The following DTNA variants were observed in gnomAD, a reference collection of about 807,000 sequenced individuals.
The protein encoded by DTNA is dystrophin-related protein 3.
A neutral mutation model predicts 100.7 loss-of-function variants in DTNA; 43 were observed. The ratio of observed to expected loss-of-function variants is 0.43; its 90% confidence interval spans 0.33 to 0.55. The LOEUF (loss-of-function observed/expected upper bound fraction) is 0.55, where lower values mean the gene tolerates loss of function less well. DTNA is among the 20% of genes least tolerant of loss of function. DTNA has a pLI of 0.04. For missense variants in DTNA, 798 were observed against 953.9 expected (o/e 0.84, Z 2.15); for synonymous variants, 349 against 347.9 (o/e 1.00, Z -0.04).
intron 1 of DTNA, chr18:34,504,196 CTAAG>C (rs973165287): frequency 6.6e-6 from 1 of 151,848 alleles, no homozygotes; most frequent in Non-Finnish European, 1.5e-5. Flanking sequence ...AATCATCACT[CTAAG>C]TATTACATCA....
At chr18:34,505,105 C>T (rs2040354997) in intron 1 of DTNA, among the ~76,000 whole-genome samples, 1 of 152,220 alleles carries the variant, frequency 6.6e-6, no homozygotes, top group African/African-American at 2.4e-5. Flanking sequence ...ATCAGTTTCA[C>T]AGGGCTAACG....
chr18:34,677,347 T>C (rs1417788518), intron 1 of DTNA, among the ~76,000 whole-genome samples: 1 of 152,022 alleles, frequency 6.6e-6, no homozygotes, highest in Non-Finnish European at 1.5e-5. Flanking sequence ...GAGTAACCCA[T>C]TGGATCTGGA....
At chr18:34,843,185 T>C (rs2149790214) in intron 13 of DTNA, among the ~76,000 whole-genome samples, 1 of 152,280 alleles carries the variant, frequency 6.6e-6, no homozygotes, top group East Asian at 1.9e-4. Context: ...GCACTTAAAT[T>C]GAACATTTAG....
At chr18:34,631,331 T>C (rs1242767976) in intron 1 of DTNA, among the ~76,000 whole-genome samples, 1 of 152,208 alleles carries the variant, frequency 6.6e-6, no homozygotes, top group Non-Finnish European at 1.5e-5. Flanking sequence ...AATGTCTGAC[T>C]CATAGAAAGC....
intron 1 of DTNA, among the ~76,000 whole-genome samples, chr18:34,609,002 G>A (rs189756587): frequency 3.9e-4 from 60 of 152,220 alleles, no homozygotes; most frequent in African/African-American, 1.4e-3. Context: ...CTTGATTACT[G>A]CTCAAGTTTA....
At chr18:34,867,551 C>T in intron 17 of DTNA, 1 of 1,121,092 alleles carries the variant, frequency 8.9e-7, no homozygotes, top group Non-Finnish European at 1.1e-6. Context: ...GGCTTCTTTC[C>T]TCTCCTGTCT....
chr18:34,769,724 G>GTTTTTTTTTTTTTTTTT (rs1264439291), intron 3 of DTNA, among the ~76,000 whole-genome samples: 1 of 41,416 alleles, frequency 2.4e-5, no homozygotes, highest in African/African-American at 5.1e-5. Flanking sequence ...GCCCTCTGGG[G>GTTTTTTTTTTTTTTTTT]CTTTTTTTTT....
chr18:34,662,794 C>T (rs1314705492), intron 1 of DTNA: 1 of 152,228 alleles, frequency 6.6e-6, no homozygotes, highest in Non-Finnish European at 1.5e-5. Context: ...TGAGGAACAA[C>T]TGTGTTATTC....
chr18:34,826,136 A>C (rs1379864076), intron 9 of DTNA, among the ~76,000 whole-genome samples: 1 of 152,204 alleles, frequency 6.6e-6, no homozygotes, highest in Non-Finnish European at 1.5e-5. Flanking sequence ...TTTTGGCTTC[A>C]TCCAACAGAT....
At chr18:34,872,608 G>A (rs546140428) in intron 17 of DTNA, among the ~76,000 whole-genome samples, 1 of 152,306 alleles carries the variant, frequency 6.6e-6, no homozygotes, top group East Asian at 1.9e-4. Flanking sequence ...TTGCAAATAA[G>A]AGATTGTAGG....
intron 1 of DTNA, among the ~76,000 whole-genome samples, chr18:34,550,594 A>G (rs982686984): frequency 1.3e-5 from 2 of 152,160 alleles, no homozygotes; most frequent in African/African-American, 2.4e-5. Flanking sequence ...GCCTGTCTAC[A>G]TTTTAATAAA....
chr18:34,839,053 C>T lies in DTNA; in HGVS notation c.1346+216C>T, dbSNP rs141998406. Among the ~76,000 whole-genome samples, 452 of 152,196 alleles carry T rather than the reference C, an allele frequency of 3.0e-3. 1 individual carries two copies. The highest frequency in any genetic ancestry group is 4.1e-3 in the Non-Finnish European group (276 of 68,004). On this transcript the variant is annotated intron_variant, in intron 13 of 22. Transcript: ENST00000444659. ...ATCCTTGTTTATATATTAGCTAAAA[C>T]GAAAACTTGCATAAAGGGATGCCTT...
chr18:34,793,601 A>G (rs1220203058), intron 3 of DTNA, among the ~76,000 whole-genome samples: 1 of 152,212 alleles, frequency 6.6e-6, no homozygotes, highest in African/African-American at 2.4e-5. Context: ...CAAACACTAG[A>G]ATTTAAATGT....
chr18:34,770,767 C>T (rs1306017628), intron 3 of DTNA, among the ~76,000 whole-genome samples: 1 of 148,244 alleles, frequency 6.7e-6, no homozygotes, highest in Non-Finnish European at 1.5e-5. Context: ...ATGCATACTC[C>T]CAAGAAGAAT....
At chr18:34,807,776 T>G (rs538785585) in intron 5 of DTNA, among the ~76,000 whole-genome samples, 1 of 151,406 alleles carries the variant, frequency 6.6e-6, no homozygotes, top group East Asian at 2.0e-4. Flanking sequence ...ATATAGAAAA[T>G]TAAAAACTAT....
intron 17 of DTNA, among the ~76,000 whole-genome samples, chr18:34,871,228 C>T (rs1363030550): frequency 6.6e-6 from 1 of 152,162 alleles, no homozygotes; most frequent in Non-Finnish European, 1.5e-5. Flanking sequence ...TCCCTCATTT[C>T]TGGTGGTGAA....
upstream of DTNA, among the ~76,000 whole-genome samples, chr18:34,706,871 A>AGTGGC (rs1274698468): frequency 1.3e-5 from 2 of 152,214 alleles, no homozygotes; most frequent in Non-Finnish European, 2.9e-5. Context: ...AGCTGCTCAA[A>AGTGGC]GTGGCCCAAG....
intron 1 of DTNA, chr18:34,679,633 A>G (rs1054040876): frequency 1.3e-5 from 2 of 152,168 alleles, no homozygotes; most frequent in African/African-American, 4.8e-5. Context: ...TGAATATTGA[A>G]CTGTTTCTCT....
intron 1 of DTNA, among the ~76,000 whole-genome samples, chr18:34,738,288 G>A (rs1029754863): frequency 6.6e-6 from 1 of 152,074 alleles, no homozygotes; most frequent in African/African-American, 2.4e-5. Context: ...GACCCCAGAG[G>A]CCATCAGACA....
Sources: gnomAD v4.1 joint callset for allele counts (sites outside exome capture counted in the v4.1 genomes callset) on GRCh38, gnomAD v4.1.1 for gene constraint, MANE v1.5 for transcripts, NCBI Gene and HGNC (gene_info 2026-07-23, HGNC 2026-07-21) for gene names.